Variants in HDAC3 observed in about 807,000 individuals in gnomAD.
HDAC3 encodes the protein SMAP45.
In HDAC3, 21 loss-of-function variants were observed where a neutral mutation model predicts 62.3. The ratio of observed to expected loss-of-function variants is 0.34; its 90% CI spans 0.24 to 0.49. The LOEUF (loss-of-function observed/expected upper bound fraction) is 0.49. Ranked by LOEUF, HDAC3 falls within the 20% of genes least tolerant of loss-of-function variation. The pLI is 0.99. For missense variants in HDAC3, 270 were observed against 556.9 expected, an observed-to-expected ratio of 0.48 and a Z score of 5.19; for synonymous variants, 198 against 206.5, an observed-to-expected ratio of 0.96 and a Z score of 0.35.
chr5:141,622,913 G>A (rs1258224220), intron 14 of HDAC3, among the ~76,000 whole-genome samples: 1 of 152,124 alleles, frequency 6.6e-6, no homozygotes, highest in Non-Finnish European at 1.5e-5. Flanking sequence ...CTGAGGTCAG[G>A]AGTTCGAGAC....
At chr5:141,630,433 A>G (rs1417693404) in intron 3 of HDAC3, among the ~76,000 whole-genome samples, 2 of 152,248 alleles carry the variant, frequency 1.3e-5, no homozygotes, top group African/African-American at 4.8e-5. Flanking sequence ...ATCAGTTGAA[A>G]GAAAACATGA....
At chr5:141,634,019 ATAGAG>A (rs1289357032) in intron 3 of HDAC3, among the ~76,000 whole-genome samples, 24 of 152,258 alleles carry the variant, frequency 1.6e-4, no homozygotes, top group Middle Eastern at 3.4e-3. Flanking sequence ...TTTCATGGAT[ATAGAG>A]TAGAGTGTGG....
chr5:141,626,208 A>G lies in HDAC3; in HGVS notation c.906T>C (p.Asn302=). 6.2e-7 allele frequency: 1 copy of G among 1,614,120 alleles called. No homozygotes were observed. Among genetic ancestry groups the G allele is most frequent in the Non-Finnish European group, 8.5e-7 (1 of 1,179,992 alleles). Residue 302 remains asparagine (N), a synonymous_variant, in exon 11 of 15, where the codon AAT becomes AAC. Coordinates refer to ENST00000305264, the MANE Select transcript of HDAC3 (RefSeq NM_003883.4). This position sits in a 1 kb window ranked among gnomAD's most constrained non-coding sequence, Gnocchi z 4.6. The part of the protein sequence containing the change: ...VLGGGGYTVR[N]VARCWTYETS... ...AGAGTGCTCACCAGCAGCGGGCAAC[A>G]TTTCGGACAGTATAACCACCACCAC...
intron 1 of HDAC3, 48 bp downstream of exon 1, chr5:141,636,688 T>C (rs773597798): frequency 6.2e-7 from 1 of 1,613,290 alleles, no homozygotes; most frequent in South Asian, 1.1e-5. Context: ...CAACCCCGCC[T>C]CAAAACCTCC....
chr5:141,630,457 T>C (rs1015549270), intron 3 of HDAC3, among the ~76,000 whole-genome samples: 2 of 152,240 alleles, frequency 1.3e-5, no homozygotes, highest in African/African-American at 4.8e-5. Context: ...CTGTTTTTCT[T>C]AGTCTTCTCA....
At chr5:141,627,336 TG>T (rs369567300) in intron 10 of HDAC3, among the ~76,000 whole-genome samples, 11 of 152,306 alleles carry the variant, frequency 7.2e-5, no homozygotes, top group African/African-American at 2.6e-4. Context: ...CCTTGGCCTC[TG>T]GAAGTGTTGG....
chr5:141,629,412 A>G lies in HDAC3; in HGVS notation c.477-106T>C, dbSNP rs1325550622. 3.3e-6 allele frequency: 5 copies of G among 1,495,082 alleles called. No individual in the cohort carries two copies. The highest frequency in any genetic ancestry group is 4.6e-6 in the Non-Finnish European group (5 of 1,090,208). 92.6% of individuals were successfully genotyped at this position (1,495,082 alleles called of 1,614,324 possible). On this transcript the variant is annotated intron_variant, in intron 6 of 14. Coordinates refer to ENST00000305264, the MANE Select transcript of HDAC3 (RefSeq NM_003883.4). This position sits in a 1 kb window ranked among gnomAD's most constrained non-coding sequence, Gnocchi z 5.3. ...TGAAGAGTCTGCTTCTGCCCTGGTCACCTGAAACTTAATGTCACCAGTTCC... is the reference window on the plus strand; with the variant it reads ...TGAAGAGTCTGCTTCTGCCCTGGTCGCCTGAAACTTAATGTCACCAGTTCC...
At chr5:141,636,501 A>G in intron 2 of HDAC3, 47 bp downstream of exon 2, 1 of 1,559,382 alleles carries the variant, frequency 6.4e-7, no homozygotes, top group Non-Finnish European at 8.8e-7. Context: ...CCCTACGGCC[A>G]CAGCTCGCCC....
Position 141,628,027 on chromosome 5 carries a change from A to G in HDAC3, c.766-70T>C. On this transcript the variant is annotated intron_variant, in intron 9 of 14. Coordinates refer to ENST00000305264, the MANE Select transcript of HDAC3 (RefSeq NM_003883.4). The surrounding 1 kb of genome is among the most constrained non-coding windows in gnomAD (Gnocchi z 4.7). ...TCAGAACATCACAGATACCCCTTCC[A>G]CCACCAACCTAAAGAACCTCCTCTT... 6.2e-7 allele frequency: 1 copy of G among 1,600,792 alleles called. No homozygotes were observed. Among genetic ancestry groups the G allele is most frequent in the Non-Finnish European group, 8.6e-7 (1 of 1,167,884 alleles).
chr5:141,636,837 G>C lies in HDAC3; in HGVS notation c.-47C>G, dbSNP rs374123704. 105 of 1,424,416 alleles carry C rather than the reference G, an allele frequency of 7.4e-5. 3 individuals are homozygous for C. In the South Asian group the frequency reaches 1.4e-3, roughly 19 times the overall value. 88.2% of individuals were successfully genotyped at this position (1,424,416 alleles called of 1,614,324 possible). On this transcript the variant is annotated 5_prime_UTR_variant, in exon 1 of 15. Transcript: ENST00000305264. ...CGCACCTCCGCCGCCCGCCGCCCGC[G>C]GCCGCCGCCAGCCCCTCCCCGGCCG...
Position 141,629,969 on chromosome 5 carries a change from G to A in HDAC3, c.364-53C>T. On this transcript the variant is annotated intron_variant, in intron 4 of 14. Coordinates refer to ENST00000305264, the MANE Select transcript of HDAC3 (RefSeq NM_003883.4). This position sits in a 1 kb window ranked among gnomAD's most constrained non-coding sequence, Gnocchi z 5.3. ...CCTTCCTGCCCACCCCTCAAGCTGG[G>A]AGCCCAGGATCAGGGTTAAATCCCG... 6.2e-7 allele frequency: 1 copy of A among 1,613,364 alleles called. No individual in the cohort carries two copies. The highest frequency in any genetic ancestry group is 1.3e-5 in the African/African-American group (1 of 74,994).
intron 3 of HDAC3, among the ~76,000 whole-genome samples, chr5:141,632,442 C>T (rs1254684530): frequency 6.6e-6 from 1 of 152,150 alleles, no homozygotes; most frequent in Non-Finnish European, 1.5e-5. Flanking sequence ...TCCTGATTCT[C>T]ATCGGAAATA....
In HDAC3 at chr5:141,636,836, C is replaced by G; in HGVS notation, c.-46G>C. ...CCGCACCTCCGCCGCCCGCCGCCCG[C>G]GGCCGCCGCCAGCCCCTCCCCGGCC... On this transcript the variant is annotated 5_prime_UTR_variant, in exon 1 of 15. Transcript: ENST00000305264. 3 of 1,423,876 alleles carry G rather than the reference C, an allele frequency of 2.1e-6. No individual in the cohort carries two copies. Among genetic ancestry groups the G allele is most frequent in the Non-Finnish European group, 2.8e-6 (3 of 1,088,906 alleles). 88.2% of individuals were successfully genotyped at this position (1,423,876 alleles called of 1,614,324 possible).
chr5:141,626,345 TAGG>T lies in HDAC3; in HGVS notation c.831-65_831-63del. On this transcript the variant is annotated intron_variant, in intron 10 of 14. Transcript: ENST00000305264. This position sits in a 1 kb window ranked among gnomAD's most constrained non-coding sequence, Gnocchi z 4.6. ...TATCAAAAGACAAGGTAAATACCTTTAGGTATTGCCTGAAAGGAGCACAAGAAA... is the reference window on the plus strand; with the variant it reads ...TATCAAAAGACAAGGTAAATACCTTTTATTGCCTGAAAGGAGCACAAGAAA... 1 of 1,218,844 alleles carries T rather than the reference TAGG, an allele frequency of 8.2e-7. No homozygotes were observed. 75.5% of individuals were successfully genotyped at this position (1,218,844 alleles called of 1,614,324 possible). A position where few individuals can be genotyped will look rare whatever the true frequency, so the allele number is the denominator to read the frequency against.
At chr5:141,636,279 A>C in intron 2 of HDAC3, 1 of 517,004 alleles carries the variant, frequency 1.9e-6, no homozygotes, top group Non-Finnish European at 3.5e-6. Context: ...TTCTGTCTTC[A>C]AACCAGCCCC....
chr5:141,636,524 C>T (rs749083444), intron 2 of HDAC3, 24 bp downstream of exon 2: 1 of 1,611,910 alleles, frequency 6.2e-7, no homozygotes, highest in Non-Finnish European at 8.5e-7. Flanking sequence ...CCCCCCAACC[C>T]CCGGCCGAGG....
At position 141,629,849 on chromosome 5, in the gene HDAC3, T is replaced by A. The variant is rs1189849444; in HGVS notation, c.420+11A>T. On this transcript the variant is annotated intron_variant, in intron 5 of 14. Transcript: ENST00000305264. The surrounding 1 kb of genome is among the most constrained non-coding windows in gnomAD (Gnocchi z 5.3). ...GATGGCCACTGTCTTTCCCATCACC[T>A]CCTCACTCACCTCAAACTTCTTGGC... is the stretch of plus-strand genomic sequence containing the variant. 7.4e-6 allele frequency: 12 copies of A among 1,613,832 alleles called. No individual in the cohort carries two copies. Among genetic ancestry groups the A allele is most frequent in the Non-Finnish European group, 1.0e-5 (12 of 1,179,932 alleles).
chr5:141,625,503 T>C lies in HDAC3; in HGVS notation c.1060-138A>G. 8.9e-7 allele frequency: 1 copy of C among 1,127,726 alleles called. No homozygotes were observed. The highest frequency in any genetic ancestry group is 1.5e-5 in the African/African-American group (1 of 64,812). The allele number at this position is 1,127,726 out of a possible 1,614,324, so 69.9% of individuals were successfully genotyped here. A position where few individuals can be genotyped will look rare whatever the true frequency, so the allele number is the denominator to read the frequency against. On this transcript the variant is annotated intron_variant, in intron 13 of 14. Coordinates refer to ENST00000305264, the MANE Select transcript of HDAC3 (RefSeq NM_003883.4). The surrounding 1 kb of genome is among the most constrained non-coding windows in gnomAD (Gnocchi z 4.0). Reference sequence around the variant, plus strand: ...TAGTTCAGGTCCCCCAACTGATAGCTCTCCCTCCCCACCAACCCCAACTGC... The same window carrying C: ...TAGTTCAGGTCCCCCAACTGATAGCCCTCCCTCCCCACCAACCCCAACTGC...
rs1174933606 is a variant in HDAC3 at position 141,630,849 on chromosome 5, CTT to C, written c.282-726_282-725del. Among the ~76,000 whole-genome samples the C allele has an allele frequency of 7.8e-3, 1,062 of 135,596 alleles. 11 individuals carry two copies. Among genetic ancestry groups the C allele is most frequent in the African/African-American group, 0.027 (1,004 of 37,042 alleles). The allele number at this position is 135,596 out of a possible 152,430, so 89.0% of individuals were successfully genotyped here. ...GTGGAAATTTCCTGTACCTTGATAC[CTT>C]TTTTTTTTTTTTTTTTGTAGAGACA... On this transcript the variant is annotated intron_variant, in intron 3 of 14. Transcript: ENST00000305264.
Sources: allele counts gnomAD v4.1 joint callset (sites outside exome capture counted in the v4.1 genomes callset), GRCh38; gene constraint gnomAD v4.1.1; non-coding constraint Gnocchi (gnomAD v3.1); transcripts MANE v1.5; gene names NCBI Gene and HGNC (gene_info 2026-07-23, HGNC 2026-07-21).